SUMF1: variants seen among roughly 807,000 people sequenced by gnomAD.
SUMF1 encodes formylglycine-generating enzyme.
Under a neutral mutation model 47.6 loss-of-function variants are expected in SUMF1, and 48 were observed. That is an observed-to-expected ratio of 1.01 (90% CI 0.80 to 1.28). The LOEUF is 1.28. Ranked by LOEUF, SUMF1 falls within the 50% of genes most tolerant of loss-of-function variation. SUMF1 has a pLI of 0.00. For synonymous variants in SUMF1, 230 were observed against 192.1 expected (o/e 1.20, Z -1.63); for missense variants, 571 against 485.4 (o/e 1.18, Z -1.66).
chr3:4,215,157 T>C (rs1467464876), intron 8 of SUMF1, among the ~76,000 whole-genome samples: 1 of 152,208 alleles, frequency 6.6e-6, no homozygotes, highest in Non-Finnish European at 1.5e-5. Flanking sequence ...AATAAAATAC[T>C]GGCAAACCAA....
At chr3:4,080,742 T>C (rs1692542229) in intron 8 of SUMF1, among the ~76,000 whole-genome samples, 1 of 152,158 alleles carries the variant, frequency 6.6e-6, no homozygotes, top group East Asian at 1.9e-4. Flanking sequence ...TAATTTTGTA[T>C]AAATATTTTA....
intron 8 of SUMF1, among the ~76,000 whole-genome samples, chr3:4,130,537 C>A (rs1214197129): frequency 6.6e-6 from 1 of 152,130 alleles, no homozygotes; most frequent in African/African-American, 2.4e-5. Flanking sequence ...TAAGAAGTAG[C>A]AAACACACTG....
At chr3:4,113,280 A>G (rs1174452672) in intron 8 of SUMF1, among the ~76,000 whole-genome samples, 3 of 152,060 alleles carry the variant, frequency 2.0e-5, no homozygotes, top group Admixed American at 6.6e-5. Context: ...TGTAATCTCA[A>G]TACTTTGGGA....
At chr3:4,458,860 G>GA (rs900819148) in intron 1 of SUMF1, among the ~76,000 whole-genome samples, 8 of 150,290 alleles carry the variant, frequency 5.3e-5, no homozygotes, top group African/African-American at 9.8e-5. Flanking sequence ...CGTCTCAAGA[G>GA]AAAAAAAAAG....
chr3:4,418,128 C>G lies in SUMF1; in HGVS notation c.607G>C (p.Asp203His), dbSNP rs149901024. 16 of 1,613,882 alleles carry G rather than the reference C, an allele frequency of 9.9e-6. No individual in the cohort carries two copies. The highest frequency in any genetic ancestry group is 1.4e-5 in the Non-Finnish European group (16 of 1,180,038). The change falls in exon 5 of 9, where the codon GAT becomes CAT. Residue 203 changes from aspartate (D) to histidine (H), a missense_variant. Physicochemically the swap from Asp to His is moderately conservative, Grantham distance 81. Transcript: ENST00000272902. Reference protein sequence around the residue: ...GPDSTILHRPDHPVLHVSWND... With the variant: ...GPDSTILHRPHHPVLHVSWND... ...CAGGACACATGGAGAACTGGATGATCCGGCCTGGGGAAGAGCAAAAGTAGA... is the reference window on the plus strand; with the variant it reads ...CAGGACACATGGAGAACTGGATGATGCGGCCTGGGGAAGAGCAAAAGTAGA...
chr3:4,365,101 TC>T (rs1699905988), intron 8 of SUMF1, among the ~76,000 whole-genome samples: 1 of 149,856 alleles, frequency 6.7e-6, no homozygotes, highest in Non-Finnish European at 1.5e-5. Context: ...TAATTTCTGT[TC>T]TTTTACATTT....
chr3:4,065,163 G>A lies in SUMF1; in HGVS notation c.1191+3406C>T, dbSNP rs1176983768. Among the ~76,000 whole-genome samples, 4 of 152,116 alleles carry A rather than the reference G, an allele frequency of 2.6e-5. 1 individual carries two copies. The highest frequency in any genetic ancestry group is 2.6e-4 in the Admixed American group (4 of 15,262). On this transcript the variant is annotated intron_variant and NMD_transcript_variant, in intron 9 of 12. Coordinates refer to the SUMF1 transcript ENST00000448413. ...CCCATCTCAGAAGGTACTGTGCAAA[G>A]CCACTGTGCAGACTTAATAGTTTCT...
intron 8 of SUMF1, among the ~76,000 whole-genome samples, chr3:4,292,820 T>C (rs1282717682): frequency 6.6e-6 from 1 of 152,150 alleles, no homozygotes; most frequent in Non-Finnish European, 1.5e-5. Flanking sequence ...GGGGGAAAAC[T>C]TTACCTAATT....
intron 1 of SUMF1, among the ~76,000 whole-genome samples, chr3:4,463,365 C>G (rs1389368865): frequency 6.6e-6 from 1 of 152,212 alleles, no homozygotes; most frequent in African/African-American, 2.4e-5. Flanking sequence ...TGGCAGGTGC[C>G]TGTAGTCCCA....
intron 2 of SUMF1, among the ~76,000 whole-genome samples, chr3:4,449,601 G>A (rs891307017): frequency 6.6e-6 from 1 of 152,186 alleles, no homozygotes; most frequent in South Asian, 2.1e-4. Context: ...TTTTGAGAAC[G>A]TGACTGTTCT....
intron 8 of SUMF1, among the ~76,000 whole-genome samples, chr3:4,276,393 A>T (rs1471108329): frequency 7.8e-6 from 1 of 128,600 alleles, no homozygotes; most frequent in Non-Finnish European, 1.8e-5. Context: ...TTTTACTATG[A>T]CAAAGTACAA....
At chr3:4,383,104 C>A (rs1700561722) in intron 7 of SUMF1, among the ~76,000 whole-genome samples, 1 of 151,820 alleles carries the variant, frequency 6.6e-6, no homozygotes, top group Non-Finnish European at 1.5e-5. Context: ...CAGGGCCGGG[C>A]GCAGTGGCTC....
At position 4,152,583 on chromosome 3, in the gene SUMF1, G is replaced by A. The variant is rs145604873; in HGVS notation, c.1015-83838C>T. Among the ~76,000 whole-genome samples, 499 of 151,280 alleles carry A rather than the reference G, an allele frequency of 3.3e-3. 11 individuals are homozygous for A. The South Asian group carries it at 0.04, about 12-fold the overall frequency. On this transcript the variant is annotated intron_variant and NMD_transcript_variant, in intron 8 of 12. Coordinates refer to the SUMF1 transcript ENST00000448413. Reference sequence around the variant, plus strand: ...GCTGGGATTACAGGCATGAGCCACCGTGCCTGGCCCAGTGTGGTTTCTAAA... The same window carrying A: ...GCTGGGATTACAGGCATGAGCCACCATGCCTGGCCCAGTGTGGTTTCTAAA...
At chr3:4,442,165 G>C (rs975859395) in intron 3 of SUMF1, among the ~76,000 whole-genome samples, 2 of 152,146 alleles carry the variant, frequency 1.3e-5, no homozygotes, top group African/African-American at 4.8e-5. Context: ...GCTCACACTG[G>C]AAGGAATTTT....
intron 8 of SUMF1, among the ~76,000 whole-genome samples, chr3:4,148,586 A>G (rs1370821654): frequency 1.3e-5 from 2 of 152,182 alleles, no homozygotes; most frequent in African/African-American, 2.4e-5. Flanking sequence ...GACAATAAAT[A>G]TTTTAGCCTT....
At chr3:4,150,898 C>A (rs1040176684) in intron 8 of SUMF1, among the ~76,000 whole-genome samples, 1 of 151,344 alleles carries the variant, frequency 6.6e-6, no homozygotes, top group African/African-American at 2.5e-5. Context: ...GTTCCATAGG[C>A]TTTAGCTGTC....
intron 8 of SUMF1, among the ~76,000 whole-genome samples, chr3:4,233,954 AT>A (rs112865644): frequency 0.013 from 1,957 of 152,244 alleles, 39 homozygotes; most frequent in African/African-American, 0.045. Context: ...CACTTACCTA[AT>A]TAGCAATTAA....
chr3:4,068,490 T>C (rs1695433088), intron 9 of SUMF1: 1 of 178,470 alleles, frequency 5.6e-6, no homozygotes, highest in Admixed American at 5.8e-5. Context: ...ATGTAATCAA[T>C]ATAAAAATGT....
chr3:4,198,943 A>G (rs558445896), intron 8 of SUMF1, among the ~76,000 whole-genome samples: 32 of 152,302 alleles, frequency 2.1e-4, no homozygotes, highest in African/African-American at 7.5e-4. Context: ...CTTCCAAGCT[A>G]TTATCCCTCT....
Sources: gnomAD v4.1 joint callset for allele counts (sites outside exome capture counted in the v4.1 genomes callset) on GRCh38, gnomAD v4.1.1 for gene constraint, MANE v1.5 for transcripts, NCBI Gene and HGNC (gene_info 2026-07-23, HGNC 2026-07-21) for gene names.